Variants in PAM observed in about 807,000 individuals in gnomAD.
PAM encodes peptidylglycine alpha-amidating monooxygenase.
Under a neutral mutation model 122.1 loss-of-function variants are expected in PAM, and 72 were observed. The observed-to-expected ratio is 0.59, with a 90% CI of 0.49 to 0.72. The LOEUF (loss-of-function observed/expected upper bound fraction) is 0.72. Among genes scored for constraint, PAM ranks in the 30% least tolerant of loss-of-function variants. PAM has a pLI of 0.00. For synonymous variants in PAM, 389 were observed against 404.4 expected (o/e 0.96, Z 0.46); for missense variants, 1,106 against 1,183.7 (o/e 0.93, Z 0.96).
At chr5:102,893,701 T>A (rs1795376537) in intron 3 of PAM, among the ~76,000 whole-genome samples, 1 of 151,756 alleles carries the variant, frequency 6.6e-6, no homozygotes, top group African/African-American at 2.4e-5. Context: ...ATTAGGTGTT[T>A]AGGTTCCTAA....
chr5:102,978,646 G>A (rs926176943), intron 15 of PAM, among the ~76,000 whole-genome samples: 6 of 152,036 alleles, frequency 3.9e-5, no homozygotes, highest in Non-Finnish European at 8.8e-5. Context: ...TTCAGAAGGT[G>A]TTCAATTATT....
In PAM at chr5:102,867,292, C is replaced by A. The variant is rs1055319357; in HGVS notation, c.109C>A (p.Pro37Thr). 5.6e-6 allele frequency: 9 copies of A among 1,602,248 alleles called. No homozygotes were observed. The highest frequency in any genetic ancestry group is 1.7e-4 in the Middle Eastern group (1 of 6,028). Reference protein sequence around the residue: ...VFKRFKETTRPFSNECLGTTR... With the variant: ...VFKRFKETTRTFSNECLGTTR... The stretch of plus-strand genomic sequence containing the variant: ...TTTAAGGTTTAAAGAAACTACCAGA[C>A]CATTTTCCAATGAATGTCTTGGTAC... Residue 37 changes from proline (P) to threonine (T), a missense_variant, in exon 3 of 26, where the codon CCA becomes ACA. By Grantham distance (38) the Pro-to-Thr change is conservative. This residue lies in a region of PAM where 670 missense variants were observed against 690.3 expected (regional missense o/e 0.97). Transcript: ENST00000438793.
At chr5:102,759,403 A>G (rs1349252056) in intron 1 of PAM, among the ~76,000 whole-genome samples, 1 of 152,182 alleles carries the variant, frequency 6.6e-6, no homozygotes, top group Non-Finnish European at 1.5e-5. Flanking sequence ...GTTAAACAAT[A>G]CATAGGTAAG....
chr5:102,762,522 GA>G, intron 1 of PAM, among the ~76,000 whole-genome samples: 1 of 152,140 alleles, frequency 6.6e-6, no homozygotes. Flanking sequence ...AGCAATATTA[GA>G]TTTTTTTTTT....
At chr5:102,870,271 G>C (rs1298943790) in intron 3 of PAM, among the ~76,000 whole-genome samples, 1 of 152,088 alleles carries the variant, frequency 6.6e-6, no homozygotes, top group East Asian at 1.9e-4. Context: ...AATAATGAAA[G>C]CTATATCAAT....
chr5:102,926,183 T>C (rs1432725013), intron 6 of PAM, among the ~76,000 whole-genome samples: 16 of 152,028 alleles, frequency 1.1e-4, no homozygotes, highest in Admixed American at 1.3e-4. Flanking sequence ...CAAGCTCCGC[T>C]TCCCGGGTTC....
At chr5:102,877,571 C>T (rs1053551411) in intron 3 of PAM, among the ~76,000 whole-genome samples, 1 of 152,120 alleles carries the variant, frequency 6.6e-6, no homozygotes, top group African/African-American at 2.4e-5. Flanking sequence ...TGTAAAGCTA[C>T]CATTCTAGAA....
chr5:102,797,223 G>T (rs1763599340), intron 1 of PAM, among the ~76,000 whole-genome samples: 1 of 152,146 alleles, frequency 6.6e-6, no homozygotes, highest in Non-Finnish European at 1.5e-5. Context: ...GACAACAACA[G>T]CCATGGAACT....
At chr5:102,920,744 A>G (rs1188326718) in intron 5 of PAM, among the ~76,000 whole-genome samples, 2 of 151,600 alleles carry the variant, frequency 1.3e-5, no homozygotes, top group Non-Finnish European at 1.5e-5. Flanking sequence ...TAGATATGTA[A>G]TGCATTAAAA....
At chr5:102,973,148 C>T (rs1766447385) in intron 14 of PAM, among the ~76,000 whole-genome samples, 1 of 152,148 alleles carries the variant, frequency 6.6e-6, no homozygotes, top group Admixed American at 6.5e-5. Flanking sequence ...TCATCATTAG[C>T]AGCACCTAGT....
At chr5:102,809,370 A>C (rs1767207034) in intron 1 of PAM, among the ~76,000 whole-genome samples, 1 of 151,612 alleles carries the variant, frequency 6.6e-6, no homozygotes, top group South Asian at 2.1e-4. Flanking sequence ...AAAAAAAAAA[A>C]AGAAAACAAA....
At chr5:102,946,104 G>T (rs756407506) in intron 7 of PAM, among the ~76,000 whole-genome samples, 3 of 152,118 alleles carry the variant, frequency 2.0e-5, no homozygotes, top group Non-Finnish European at 4.4e-5. Context: ...GGCAAGGATC[G>T]TGTTGGAGGT....
rs913500961 is a variant in PAM, at chr5:102,955,201, T to C, written c.905+4381T>C. Among the ~76,000 whole-genome samples, 3 of 152,124 alleles carry C rather than the reference T, an allele frequency of 2.0e-5. No individual in the cohort carries two copies. The East Asian group carries it at 5.8e-4, about 29-fold the overall frequency. ...GGTATAGACATGGAATACAATGATATTTGGAAGTTTTTAAGTCATACATTT... is the reference window on the plus strand; with the variant it reads ...GGTATAGACATGGAATACAATGATACTTGGAAGTTTTTAAGTCATACATTT... On this transcript the variant is annotated intron_variant, in intron 12 of 25. Coordinates refer to ENST00000438793, the MANE Select transcript of PAM (RefSeq NM_001177306.2).
chr5:102,817,685 C>T (rs1049064519), intron 1 of PAM, among the ~76,000 whole-genome samples: 3 of 151,162 alleles, frequency 2.0e-5, no homozygotes, highest in South Asian at 4.2e-4. Flanking sequence ...CTGACTCCTG[C>T]GGTCTAATGT....
At chr5:102,769,358 G>A (rs893582144) in intron 1 of PAM, among the ~76,000 whole-genome samples, 3 of 151,982 alleles carry the variant, frequency 2.0e-5, no homozygotes, top group Non-Finnish European at 4.4e-5. Flanking sequence ...TTGACTTGAT[G>A]TGGTCCTATT....
chr5:102,861,275 G>T (rs767414884), intron 1 of PAM, among the ~76,000 whole-genome samples: 1 of 152,178 alleles, frequency 6.6e-6, no homozygotes, highest in Non-Finnish European at 1.5e-5. Context: ...GCAAGATAAT[G>T]CTTATTGTTT....
chr5:102,888,297 C>T (rs1448057354), intron 3 of PAM, among the ~76,000 whole-genome samples: 2 of 151,936 alleles, frequency 1.3e-5, no homozygotes, highest in African/African-American at 4.8e-5. Context: ...AGCTCCATTG[C>T]TTCCCCCTGC....
At chr5:102,908,620 T>C (rs1800396290) in intron 4 of PAM, among the ~76,000 whole-genome samples, 1 of 151,322 alleles carries the variant, frequency 6.6e-6, no homozygotes, top group South Asian at 2.1e-4. Flanking sequence ...TAATGCTAAA[T>C]GACGAGTTAG....
At chr5:102,773,539 AT>A (rs1318048752) in intron 1 of PAM, among the ~76,000 whole-genome samples, 2 of 152,196 alleles carry the variant, frequency 1.3e-5, no homozygotes, top group East Asian at 3.9e-4. Context: ...TCTGTTTAAA[AT>A]TTGTTTTCAA....
Sources: allele counts gnomAD v4.1 joint callset (sites outside exome capture counted in the v4.1 genomes callset), GRCh38; gene constraint gnomAD v4.1.1; regional missense constraint gnomAD v4.1.1; transcripts MANE v1.5; gene names NCBI Gene and HGNC (gene_info 2026-07-23, HGNC 2026-07-21).